Variants in GALNT2 observed in about 807,000 individuals in gnomAD.
GALNT2 encodes the protein UDP-GalNAc:polypeptide N-acetylgalactosaminyltransferase 2.
In GALNT2, 31 loss-of-function variants were observed where a neutral mutation model predicts 81.4. That is an observed-to-expected ratio of 0.38 (90% CI 0.29 to 0.51). GALNT2 has a LOEUF of 0.51. GALNT2 is among the 20% of genes least tolerant of loss of function. The pLI, the probability that GALNT2 is intolerant of heterozygous loss-of-function variation, is 0.87. For missense variants in GALNT2, 629 were observed against 765.7 expected (o/e 0.82, Z 2.11); for synonymous variants, 303 against 287.4 (o/e 1.05, Z -0.55).
intron 3 of GALNT2, among the ~76,000 whole-genome samples, chr1:230,212,297 A>C (rs2102714778): frequency 6.6e-6 from 1 of 152,292 alleles, no homozygotes; most frequent in Non-Finnish European, 1.5e-5. Flanking sequence ...TCTTGGCATG[A>C]GGCCTGAATG....
At chr1:230,091,335 A>C (rs1315263650) in intron 1 of GALNT2, among the ~76,000 whole-genome samples, 1 of 152,036 alleles carries the variant, frequency 6.6e-6, no homozygotes, top group East Asian at 1.9e-4. Context: ...TGGCCTCCCA[A>C]AGTGCTGGGA....
intron 1 of GALNT2, among the ~76,000 whole-genome samples, chr1:230,111,208 A>G (rs1453378969): frequency 6.6e-6 from 1 of 152,240 alleles, no homozygotes. Context: ...CTGCATGTAC[A>G]TGTGCGTACC....
At chr1:230,154,087 C>A (rs1662172390) in intron 1 of GALNT2, among the ~76,000 whole-genome samples, 1 of 152,144 alleles carries the variant, frequency 6.6e-6, no homozygotes. Context: ...TTGAAAAGAG[C>A]TTGCATAATC....
rs529037761 is a variant in GALNT2, at chr1:230,223,571, C to T, written c.375-12443C>T. On this transcript the variant is annotated intron_variant, in intron 3 of 15. Transcript: ENST00000366672. ...GCAGCCTCCGCCTCCCAGGTTCAAGCGATTCTCTCCTGCCTCAGCCTCCCG... is the reference window on the plus strand; with the variant it reads ...GCAGCCTCCGCCTCCCAGGTTCAAGTGATTCTCTCCTGCCTCAGCCTCCCG... Among the ~76,000 whole-genome samples the T allele has an allele frequency of 8.9e-4, 135 of 152,018 alleles. 1 individual carries two copies. The highest frequency in any genetic ancestry group is 6.8e-3 in the Middle Eastern group (2 of 294).
intron 1 of GALNT2, among the ~76,000 whole-genome samples, chr1:230,132,010 A>G (rs1235091786): frequency 3.3e-5 from 5 of 152,136 alleles, no homozygotes; most frequent in Non-Finnish European, 5.9e-5. Context: ...TTACCCAATA[A>G]ATAGGAAGGG....
At chr1:230,114,303 C>T (rs1215989254) in intron 1 of GALNT2, among the ~76,000 whole-genome samples, 2 of 152,146 alleles carry the variant, frequency 1.3e-5, no homozygotes, top group African/African-American at 4.8e-5. Flanking sequence ...TCCGGCCATT[C>T]CTTGTGAAGG....
intron 1 of GALNT2, among the ~76,000 whole-genome samples, chr1:230,105,750 G>A (rs1660525732): frequency 6.6e-6 from 1 of 152,214 alleles, no homozygotes; most frequent in African/African-American, 2.4e-5. Context: ...CAAGGTTCAT[G>A]TCCTGTTGGC....
intron 1 of GALNT2, among the ~76,000 whole-genome samples, chr1:230,151,735 C>T (rs184785493): frequency 1.3e-5 from 2 of 151,650 alleles, no homozygotes; most frequent in Admixed American, 6.6e-5. Flanking sequence ...TCTTGGATCT[C>T]GCTCAAGAAA....
At chr1:230,197,633 A>G (rs754018993) in intron 2 of GALNT2, among the ~76,000 whole-genome samples, 1 of 152,182 alleles carries the variant, frequency 6.6e-6, no homozygotes, top group African/African-American at 2.4e-5. Context: ...TGCTGTGATC[A>G]TCTCATTTAG....
rs1044697441 is a variant in GALNT2, at chr1:230,277,078, A to G, written c.1561-2225A>G. On this transcript the variant is annotated intron_variant, in intron 15 of 15. Transcript: ENST00000366672. ...GCTTCAGTCCCAGTTTTGGGGAACC[A>G]TAACTGACACGGCTTAGGACCTTTG... 1.2e-4 allele frequency among the ~76,000 whole-genome samples: 19 copies of G among 152,364 alleles called. 1 individual carries two copies. The highest frequency in any genetic ancestry group is 6.8e-3 in the Middle Eastern group (2 of 294).
chr1:230,185,907 C>T (rs115285232), intron 2 of GALNT2, among the ~76,000 whole-genome samples: 2,265 of 152,268 alleles, frequency 0.015, 63 homozygotes, highest in African/African-American at 0.052. Context: ...TTCCTACCCC[C>T]GTAGTGGATC....
intron 2 of GALNT2, among the ~76,000 whole-genome samples, chr1:230,196,599 T>G (rs1394075711): frequency 6.6e-6 from 1 of 152,026 alleles, no homozygotes; most frequent in Admixed American, 6.5e-5. Context: ...AGAGGGTGGG[T>G]GTGGGTCTTG....
rs2102698993 is a variant in GALNT2, at chr1:230,193,739, A to G, written c.221-9398A>G. Among the ~76,000 whole-genome samples the G allele has an allele frequency of 6.6e-6, 1 of 152,334 alleles. No homozygotes were observed. The highest frequency in any genetic ancestry group is 1.9e-4 in the East Asian group (1 of 5,190). On this transcript the variant is annotated intron_variant, in intron 2 of 15. Coordinates refer to ENST00000366672, the MANE Select transcript of GALNT2 (RefSeq NM_004481.5). The surrounding 1 kb of genome is among the most constrained non-coding windows in gnomAD (Gnocchi z 4.3). Reference sequence around the variant, plus strand: ...CCTGATGACAAAAGCGTCTTTTTCAAAAAGTTCACTTGAAGATTGGTTATT... The same window carrying G: ...CCTGATGACAAAAGCGTCTTTTTCAGAAAGTTCACTTGAAGATTGGTTATT...
intron 3 of GALNT2, among the ~76,000 whole-genome samples, chr1:230,217,454 G>T (rs1352413703): frequency 2.0e-5 from 3 of 152,214 alleles, no homozygotes. Context: ...TGGCCATGAG[G>T]AAGAGTAGAA....
At chr1:230,093,797 C>T (rs1441141534) in intron 1 of GALNT2, among the ~76,000 whole-genome samples, 1 of 152,220 alleles carries the variant, frequency 6.6e-6, no homozygotes, top group African/African-American at 2.4e-5. Flanking sequence ...AACAAGCAGT[C>T]CAGGTTTGCA....
chr1:230,145,445 G>T (rs1661885888), intron 1 of GALNT2, among the ~76,000 whole-genome samples: 1 of 152,344 alleles, frequency 6.6e-6, no homozygotes, highest in South Asian at 2.1e-4. Flanking sequence ...TAGGTGTCTG[G>T]TGTTTGAAGC....
At chr1:230,064,777 G>T (rs1187193456), upstream of GALNT2, among the ~76,000 whole-genome samples, 1 of 152,212 alleles carries the variant, frequency 6.6e-6, no homozygotes, top group Non-Finnish European at 1.5e-5. Context: ...CTCCCAAAGT[G>T]CTGGGATTAC....
intron 8 of GALNT2, 106 bp downstream of exon 8, chr1:230,246,256 C>G: frequency 1.1e-6 from 1 of 888,306 alleles, no homozygotes; most frequent in South Asian, 1.4e-5. Context: ...AGTGTTCACG[C>G]CGTAGTGTGT....
At chr1:230,126,796 G>A (rs1661198155) in intron 1 of GALNT2, among the ~76,000 whole-genome samples, 1 of 152,186 alleles carries the variant, frequency 6.6e-6, no homozygotes, top group South Asian at 2.1e-4. Context: ...AACCCCACGT[G>A]CACACTTTGC....
Sources: allele counts gnomAD v4.1 joint callset (sites outside exome capture counted in the v4.1 genomes callset), GRCh38; gene constraint gnomAD v4.1.1; non-coding constraint Gnocchi (gnomAD v3.1); transcripts MANE v1.5; gene names NCBI Gene and HGNC (gene_info 2026-07-23, HGNC 2026-07-21).